The following MCTP2 variants were observed in gnomAD, a reference collection of about 807,000 sequenced individuals.
MCTP2 encodes the protein multiple C2 and transmembrane domain-containing protein 2.
MCTP2 carries 132 observed loss-of-function variants against 111.6 expected under a neutral mutation model. That is an observed-to-expected ratio of 1.18 (90% CI 1.03 to 1.37). The LOEUF (loss-of-function observed/expected upper bound fraction) is 1.37. MCTP2 is among the 40% of genes most tolerant of loss of function. The pLI is 0.00. For synonymous variants in MCTP2, 395 were observed against 387.7 expected, an observed-to-expected ratio of 1.02 and a Z score of -0.22; for missense variants, 1,183 against 1,067.9, an observed-to-expected ratio of 1.11 and a Z score of -1.50.
At chr15:94,371,676 A>C (rs925065647) in intron 12 of MCTP2, among the ~76,000 whole-genome samples, 23 of 152,092 alleles carry the variant, frequency 1.5e-4, no homozygotes, top group Non-Finnish European at 1.6e-4. Context: ...AACAACATCC[A>C]TATGTGGAAA....
intron 10 of MCTP2, among the ~76,000 whole-genome samples, chr15:94,365,389 C>T (rs188843212): frequency 3.9e-5 from 6 of 152,174 alleles, no homozygotes; most frequent in South Asian, 2.1e-4. Context: ...TTTGTAATAA[C>T]GTAAGTGTAA....
intron 1 of MCTP2, among the ~76,000 whole-genome samples, chr15:94,233,978 C>G (rs762945846): frequency 2.6e-5 from 4 of 152,086 alleles, no homozygotes; most frequent in Admixed American, 6.5e-5. Flanking sequence ...AGGCTTTGCC[C>G]GTGAAGCGAG....
At chr15:94,418,203 A>G (rs1284908130) in intron 17 of MCTP2, among the ~76,000 whole-genome samples, 1 of 152,154 alleles carries the variant, frequency 6.6e-6, no homozygotes, top group Non-Finnish European at 1.5e-5. Flanking sequence ...ACACTCTTAG[A>G]GAATGCTTTG....
chr15:94,477,070 T>C (rs2074427455), intron 22 of MCTP2, among the ~76,000 whole-genome samples: 1 of 152,220 alleles, frequency 6.6e-6, no homozygotes, highest in South Asian at 2.1e-4. Context: ...TTCGATTGCT[T>C]GCCTCCCTAA....
chr15:94,437,722 A>G (rs545748277), intron 17 of MCTP2, among the ~76,000 whole-genome samples: 6 of 152,218 alleles, frequency 3.9e-5, no homozygotes, highest in African/African-American at 1.4e-4. Flanking sequence ...CAGATATTGT[A>G]TGGTTACGAA....
At chr15:94,328,329 T>C (rs568894914) in intron 4 of MCTP2, among the ~76,000 whole-genome samples, 1,720 of 151,894 alleles carry the variant, frequency 0.011, 14 homozygotes, top group African/African-American at 0.019. Flanking sequence ...GGGGTTTCAC[T>C]GTGTTAGCCA....
At chr15:94,428,720 C>T (rs548605433) in intron 17 of MCTP2, among the ~76,000 whole-genome samples, 50 of 152,034 alleles carry the variant, frequency 3.3e-4, no homozygotes, top group Non-Finnish European at 6.2e-4. Flanking sequence ...TCAATAATTT[C>T]TTTGGAATTA....
chr15:94,331,861 T>A lies in MCTP2; in HGVS notation c.638-7429T>A, dbSNP rs555111432. On this transcript the variant is annotated intron_variant, in intron 4 of 22. Coordinates refer to ENST00000357742, the MANE Select transcript of MCTP2 (RefSeq NM_001385001.1). ...GTTCAGGAATAGTTCAATCAGAGTG[T>A]GCTAAATGGCAAAACATGGACAGGA... Among the ~76,000 whole-genome samples, 35 of 152,238 alleles carry A rather than the reference T, an allele frequency of 2.3e-4. No homozygotes were observed. In the East Asian group the frequency reaches 6.6e-3, roughly 29 times the overall value.
intron 13 of MCTP2, 134 bp from the exon 14 acceptor site, chr15:94,385,289 T>C (rs576068591): frequency 1.8e-6 from 1 of 568,640 alleles, no homozygotes; most frequent in Non-Finnish European, 3.1e-6. Flanking sequence ...ATTTAATTTT[T>C]GGAATTTAAT....
At chr15:94,453,510 G>C (rs1011881776) in intron 19 of MCTP2, among the ~76,000 whole-genome samples, 16 of 152,212 alleles carry the variant, frequency 1.1e-4, no homozygotes, top group Admixed American at 2.6e-4. Flanking sequence ...AGAATGGTTA[G>C]TAAGGGAGAT....
chr15:94,231,910 G>A (rs1286748189), intron 1 of MCTP2: 1 of 152,308 alleles, frequency 6.6e-6, no homozygotes, highest in East Asian at 1.9e-4. Flanking sequence ...GGGCAGCCTG[G>A]CCCAGAATTT....
At chr15:94,307,243 A>G (rs568570359) in intron 2 of MCTP2, among the ~76,000 whole-genome samples, 27 of 152,362 alleles carry the variant, frequency 1.8e-4, no homozygotes, top group Admixed American at 1.5e-3. Flanking sequence ...ATAAAGTGTC[A>G]TGGAGAGAAA....
At chr15:94,441,570 C>T (rs1247983405) in intron 18 of MCTP2, among the ~76,000 whole-genome samples, 1 of 152,056 alleles carries the variant, frequency 6.6e-6, no homozygotes, top group Non-Finnish European at 1.5e-5. Context: ...ATTAATATAC[C>T]TATATGCACA....
intron 1 of MCTP2, among the ~76,000 whole-genome samples, chr15:94,237,064 T>C (rs74034452): frequency 6.6e-6 from 1 of 152,206 alleles, no homozygotes; most frequent in African/African-American, 2.4e-5. Context: ...TTTCAGAGAA[T>C]TATGACCTTC....
chr15:94,301,733 A>T (rs1444958324), intron 2 of MCTP2, among the ~76,000 whole-genome samples: 1 of 152,088 alleles, frequency 6.6e-6, no homozygotes, highest in South Asian at 2.1e-4. Context: ...AAAAATACTC[A>T]ATTTTATTTT....
chr15:94,282,140 T>C (rs1322264467), intron 1 of MCTP2, among the ~76,000 whole-genome samples: 1 of 152,204 alleles, frequency 6.6e-6, no homozygotes, highest in Non-Finnish European at 1.5e-5. Context: ...TCAAATATGT[T>C]TTCCCAGTTG....
intron 11 of MCTP2, 132 bp downstream of exon 11, chr15:94,367,923 G>A (rs1190668022): frequency 2.9e-5 from 22 of 754,988 alleles, no homozygotes; most frequent in Middle Eastern, 3.8e-4. Context: ...TTCCTTGTAC[G>A]TCATAAAACA....
chr15:94,408,263 TAA>T (rs1390522450), intron 17 of MCTP2, among the ~76,000 whole-genome samples: 1 of 152,186 alleles, frequency 6.6e-6, no homozygotes, highest in Non-Finnish European at 1.5e-5. Context: ...AGTATTTGTG[TAA>T]AGCTGGAAAA....
Position 94,446,656 on chromosome 15 carries a change from A to G in MCTP2, c.2250+3696A>G, listed in dbSNP as rs549831969. Among the ~76,000 whole-genome samples the G allele has an allele frequency of 5.2e-4, 79 of 152,296 alleles. 1 individual carries two copies. The South Asian group carries it at 0.016, about 31-fold the overall frequency. On this transcript the variant is annotated intron_variant, in intron 19 of 22. Coordinates refer to ENST00000357742, the MANE Select transcript of MCTP2 (RefSeq NM_001385001.1). The stretch of plus-strand genomic sequence containing the variant: ...AATCACTTACATAGAATATTTCAGC[A>G]TTTTCTATTAACATCAGGAAGAAGG...
Sources: gnomAD v4.1 joint callset for allele counts (sites outside exome capture counted in the v4.1 genomes callset) on GRCh38, gnomAD v4.1.1 for gene constraint, MANE v1.5 for transcripts, NCBI Gene and HGNC (gene_info 2026-07-23, HGNC 2026-07-21) for gene names.